ADGRE1: variants seen among roughly 807,000 people sequenced by gnomAD.
ADGRE1 encodes the protein EGF-like module receptor 1.
In ADGRE1, 82 loss-of-function variants were observed where a neutral mutation model predicts 102.7. That is an observed-to-expected ratio of 0.80 (90% CI 0.67 to 0.96). ADGRE1 has a LOEUF of 0.96. Among genes scored for constraint, ADGRE1 ranks in the 40% least tolerant of loss-of-function variants. The pLI, the probability that ADGRE1 is intolerant of heterozygous loss-of-function variation, is 0.00. For synonymous variants in ADGRE1, 398 were observed against 399.6 expected (o/e 1.00, Z 0.05); for missense variants, 1,032 against 1,085.3 (o/e 0.95, Z 0.69).
At chr19:6,920,540 T>TTTTTTA (rs1974617834) in intron 13 of ADGRE1, among the ~76,000 whole-genome samples, 4 of 130,540 alleles carry the variant, frequency 3.1e-5, no homozygotes, top group South Asian at 2.4e-4. Flanking sequence ...TTTTTTTTTT[T>TTTTTTA]GAGATGGAGT....
chr19:6,939,277 T>C (rs536010853), intron 20 of ADGRE1, among the ~76,000 whole-genome samples: 2 of 152,174 alleles, frequency 1.3e-5, no homozygotes, highest in African/African-American at 2.4e-5. Flanking sequence ...ACAGTATAGG[T>C]ATAGAACATT....
intron 10 of ADGRE1, 37 bp from the exon 11 acceptor site, chr19:6,913,616 A>G: frequency 6.6e-7 from 1 of 1,520,580 alleles, no homozygotes; most frequent in Non-Finnish European, 8.9e-7. Context: ...TTAATGAGAG[A>G]GAGAGAGAGA....
Position 6,940,144 on chromosome 19 carries a change from G to C in ADGRE1, c.*115G>C. 1 of 1,244,796 alleles carries C rather than the reference G, an allele frequency of 8.0e-7. No individual in the cohort carries two copies. Among genetic ancestry groups the C allele is most frequent in the Non-Finnish European group, 1.2e-6 (1 of 867,118 alleles). 77.1% of individuals were successfully genotyped at this position (1,244,796 alleles called of 1,614,324 possible). A position where few individuals can be genotyped will look rare whatever the true frequency, so the allele number is the denominator to read the frequency against. On this transcript the variant is annotated 3_prime_UTR_variant, in exon 21 of 21. Coordinates refer to ENST00000312053, the MANE Select transcript of ADGRE1 (RefSeq NM_001974.5). ...TAACATGGAAATGAGGATCCCACCA[G>C]CCCCAGAACCCTCTGGGGAAGAATG...
At chr19:6,916,182 G>A in intron 11 of ADGRE1, 67 bp from the exon 12 acceptor site, 3 of 1,544,520 alleles carry the variant, frequency 1.9e-6, no homozygotes, top group East Asian at 2.3e-5. Flanking sequence ...CCTTTTTTTG[G>A]ACAGAAACCA....
intron 18 of ADGRE1, among the ~76,000 whole-genome samples, chr19:6,936,109 T>C (rs996161791): frequency 6.6e-6 from 1 of 152,166 alleles, no homozygotes; most frequent in South Asian, 2.1e-4. Context: ...CAATCCCTTA[T>C]CCATTTTAAA....
At chr19:6,893,840 T>G (rs2144884876) in intron 2 of ADGRE1, among the ~76,000 whole-genome samples, 1 of 152,336 alleles carries the variant, frequency 6.6e-6, no homozygotes, top group South Asian at 2.1e-4. Context: ...TGGGTCCCAC[T>G]GGGCTAAAAT....
chr19:6,934,894 A>G, intron 17 of ADGRE1, 93 bp from the exon 18 acceptor site: 1 of 800,844 alleles, frequency 1.2e-6, no homozygotes, highest in Non-Finnish European at 1.8e-6. Context: ...GACGTGAGCC[A>G]CCACGCCCAG....
Position 6,940,272 on chromosome 19 carries a change from G to A in ADGRE1, c.*243G>A. 1 of 584,380 alleles carries A rather than the reference G, an allele frequency of 1.7e-6. No individual in the cohort carries two copies. Among genetic ancestry groups the A allele is most frequent in the Non-Finnish European group, 3.0e-6 (1 of 329,552 alleles). The allele number at this position is 584,380 out of a possible 1,614,324, so 36.2% of individuals were successfully genotyped here. A position where few individuals can be genotyped will look rare whatever the true frequency, so the allele number is the denominator to read the frequency against. ...GTGCTCTGCAACTTCTTCAATTCCAGAGTTTCTGAGAACAGACCCAAATTC... is the reference window on the plus strand; with the variant it reads ...GTGCTCTGCAACTTCTTCAATTCCAAAGTTTCTGAGAACAGACCCAAATTC... On this transcript the variant is annotated 3_prime_UTR_variant, in exon 21 of 21. Transcript: ENST00000312053.
Position 6,924,887 on chromosome 19 carries a change from G to C in ADGRE1, c.1986+15G>C. ...CTGACAACAAGGTCTACATCGCTCG[G>C]GCTGTGTCCCCACCAAGCCCCATCT... On this transcript the variant is annotated intron_variant, in intron 15 of 20. Coordinates refer to ENST00000312053, the MANE Select transcript of ADGRE1 (RefSeq NM_001974.5). 1.2e-6 allele frequency: 2 copies of C among 1,612,508 alleles called. No individual in the cohort carries two copies. The highest frequency in any genetic ancestry group is 1.7e-6 in the Non-Finnish European group (2 of 1,179,102).
At chr19:6,928,380 C>T in intron 17 of ADGRE1, 169 bp downstream of exon 17, 1 of 1,455,018 alleles carries the variant, frequency 6.9e-7, no homozygotes, top group Non-Finnish European at 9.1e-7. Context: ...AATCCCAGCA[C>T]TTTGGGAGGC....
At chr19:6,938,162 C>T (rs1445771772) in intron 20 of ADGRE1, among the ~76,000 whole-genome samples, 1 of 151,840 alleles carries the variant, frequency 6.6e-6, no homozygotes, top group East Asian at 1.9e-4. Context: ...CATGGCAAAA[C>T]CCCCATCTCT....
At chr19:6,903,989 T>G (rs1973860677) in intron 7 of ADGRE1, 39 bp downstream of exon 7, 1 of 1,614,040 alleles carries the variant, frequency 6.2e-7, no homozygotes, top group African/African-American at 1.3e-5. Flanking sequence ...GAAAAGACAT[T>G]TCTCTTTGCT....
intron 16 of ADGRE1, 125 bp downstream of exon 16, chr19:6,926,726 T>C: frequency 1.1e-6 from 1 of 944,484 alleles, no homozygotes; most frequent in East Asian, 2.5e-5. Flanking sequence ...AGCTCTTCTA[T>C]TATGTACTAT....
chr19:6,926,230 T>G, intron 15 of ADGRE1, 136 bp from the exon 16 acceptor site: 1 of 898,054 alleles, frequency 1.1e-6, no homozygotes, highest in African/African-American at 2.0e-5. Context: ...CCACTGCACC[T>G]CTCTATAAAT....
In ADGRE1 at chr19:6,903,664, A is replaced by G. The variant is rs1365946098; in HGVS notation, c.662-146A>G. 24 of 1,001,634 alleles carry G rather than the reference A, an allele frequency of 2.4e-5. No individual in the cohort carries two copies. In the South Asian group the frequency reaches 3.7e-4, roughly 16 times the overall value. The allele number at this position is 1,001,634 out of a possible 1,614,324, so 62.0% of individuals were successfully genotyped here. A position where few individuals can be genotyped will look rare whatever the true frequency, so the allele number is the denominator to read the frequency against. On this transcript the variant is annotated intron_variant, in intron 6 of 20. Transcript: ENST00000312053. ...GAGTGAAAAGTAGTCACATGACCTC[A>G]CCTAGATGCAGAGGGTTCTAGGAAA...
At chr19:6,927,714 T>C (rs113811013) in intron 16 of ADGRE1, among the ~76,000 whole-genome samples, 87 of 152,136 alleles carry the variant, frequency 5.7e-4, no homozygotes, top group African/African-American at 2.0e-3. Context: ...CAGGCTGGAG[T>C]GCGGTGGCGT....
intron 10 of ADGRE1, among the ~76,000 whole-genome samples, chr19:6,912,926 CT>C (rs1206753711): frequency 1.3e-5 from 2 of 152,134 alleles, no homozygotes; most frequent in South Asian, 2.1e-4. Context: ...ATCAATTTGT[CT>C]TTCTTGCTTG....
chr19:6,906,481 T>C lies in ADGRE1; in HGVS notation c.998T>C (p.Ile333Thr). 1 of 1,613,952 alleles carries C rather than the reference T, an allele frequency of 6.2e-7. No individual in the cohort carries two copies. Among genetic ancestry groups the C allele is most frequent in the Non-Finnish European group, 8.5e-7 (1 of 1,179,890 alleles). Residue 333 changes from isoleucine to threonine, a missense_variant, in exon 9 of 21, where the codon ATC (isoleucine) becomes ACC (threonine). Coordinates refer to ENST00000312053, the MANE Select transcript of ADGRE1 (RefSeq NM_001974.5). Reference protein sequence around the residue: ...KEDVIPDNKQIQQCQEGTAVK... With the variant: ...KEDVIPDNKQTQQCQEGTAVK... ...GATGTGATACCCGATAATAAGCAGA[T>C]CCAGCAATGCCAAGAGGGAACCGCA...
chr19:6,938,661 A>G (rs1975538671), intron 20 of ADGRE1, among the ~76,000 whole-genome samples: 2 of 152,058 alleles, frequency 1.3e-5, no homozygotes, highest in South Asian at 4.1e-4. Context: ...TATACTAGAT[A>G]TTAGATGAAC....
Sources: gnomAD v4.1 joint callset for allele counts (sites outside exome capture counted in the v4.1 genomes callset) on GRCh38, gnomAD v4.1.1 for gene constraint, MANE v1.5 for transcripts, NCBI Gene and HGNC (gene_info 2026-07-23, HGNC 2026-07-21) for gene names.